STXBP6: variants seen among roughly 807,000 people sequenced by gnomAD.
The protein encoded by STXBP6 is syntaxin binding protein 6.
Under a neutral mutation model 26.9 loss-of-function variants are expected in STXBP6, and 21 were observed. The observed-to-expected ratio is 0.78, with a 90% CI of 0.55 to 1.12. The LOEUF is 1.12. STXBP6 is among the 50% of genes most tolerant of loss of function. STXBP6 has a pLI of 0.00. For synonymous variants in STXBP6, 97 were observed against 92.6 expected, an observed-to-expected ratio of 1.05 and a Z score of -0.27; for missense variants, 232 against 257.9, an observed-to-expected ratio of 0.90 and a Z score of 0.69.
intron 2 of STXBP6, among the ~76,000 whole-genome samples, chr14:24,915,395 A>G (rs997808089): frequency 1.3e-5 from 2 of 152,138 alleles, no homozygotes; most frequent in Non-Finnish European, 2.9e-5. Flanking sequence ...GAAACAATGG[A>G]CTATTACTAT....
intron 2 of STXBP6, among the ~76,000 whole-genome samples, chr14:24,937,235 C>T (rs1218713896): frequency 6.6e-6 from 1 of 152,110 alleles, no homozygotes; most frequent in Non-Finnish European, 1.5e-5. Context: ...CATGTATACC[C>T]ATGTAACAAA....
chr14:25,049,497 C>T lies in STXBP6; in HGVS notation c.-33+381G>A, dbSNP rs1412351100. Reference sequence around the variant, plus strand: ...CCCCGAGCTCCCCCACACTGGGAGCCTCGGGGCAGCATTCTCGGGGCCCAT... The same window carrying T: ...CCCCGAGCTCCCCCACACTGGGAGCTTCGGGGCAGCATTCTCGGGGCCCAT... On this transcript the variant is annotated intron_variant, in intron 1 of 5. Transcript: ENST00000323944. This position sits in a 1 kb window ranked among gnomAD's most constrained non-coding sequence, Gnocchi z 5.6. 1 of 985,282 alleles carries T rather than the reference C, an allele frequency of 1.0e-6. No individual in the cohort carries two copies. Among genetic ancestry groups the T allele is most frequent in the Admixed American group, 6.1e-5 (1 of 16,266 alleles). The allele number at this position is 985,282 out of a possible 1,614,324, so 61.0% of individuals were successfully genotyped here.
chr14:24,824,622 T>C (rs1189563561), intron 4 of STXBP6, among the ~76,000 whole-genome samples: 1 of 152,242 alleles, frequency 6.6e-6, no homozygotes, highest in East Asian at 1.9e-4. Flanking sequence ...AATATCCTCT[T>C]TTAAGATGGA....
At chr14:24,889,619 C>T (rs2070721371) in intron 2 of STXBP6, among the ~76,000 whole-genome samples, 2 of 151,330 alleles carry the variant, frequency 1.3e-5, no homozygotes, top group Admixed American at 6.6e-5. Flanking sequence ...AAAAAGTGTA[C>T]TTACATATTA....
chr14:25,017,515 C>T (rs1028366734), intron 1 of STXBP6, among the ~76,000 whole-genome samples: 4 of 152,166 alleles, frequency 2.6e-5, no homozygotes, highest in Non-Finnish European at 5.9e-5. Context: ...GCAGGGAATA[C>T]CAGTTGATAC....
chr14:24,968,036 C>T (rs759229178), intron 2 of STXBP6, among the ~76,000 whole-genome samples: 9 of 151,644 alleles, frequency 5.9e-5, no homozygotes, highest in Non-Finnish European at 1.0e-4. Context: ...GAACATACCA[C>T]CCAATAAATA....
intron 2 of STXBP6, among the ~76,000 whole-genome samples, chr14:24,874,044 C>A (rs1192179535): frequency 6.6e-6 from 1 of 152,174 alleles, no homozygotes; most frequent in African/African-American, 2.4e-5. Flanking sequence ...GGATCACAAA[C>A]TAAAGTTAGT....
chr14:25,005,243 T>G (rs6574126), intron 1 of STXBP6, among the ~76,000 whole-genome samples: 87,787 of 152,112 alleles, frequency 0.58, 27,223 homozygotes, highest in African/African-American at 0.82. Flanking sequence ...ACAATAACAA[T>G]ATACATACTT....
intron 1 of STXBP6, among the ~76,000 whole-genome samples, chr14:25,048,332 G>A (rs1160317070): frequency 2.0e-5 from 3 of 152,180 alleles, no homozygotes; most frequent in Admixed American, 6.5e-5. Context: ...GATTATCTCC[G>A]TTTGACAGAA....
chr14:24,991,134 A>G (rs1055249718), intron 1 of STXBP6, among the ~76,000 whole-genome samples: 2 of 146,828 alleles, frequency 1.4e-5, no homozygotes, highest in African/African-American at 5.2e-5. Flanking sequence ...TGAGTGAGAG[A>G]AGGAGGAGGA....
intron 4 of STXBP6, among the ~76,000 whole-genome samples, chr14:24,836,018 G>GTTC (rs1310686731): frequency 1.3e-5 from 2 of 152,194 alleles, no homozygotes; most frequent in Non-Finnish European, 2.9e-5. Context: ...ATAGCTGCAG[G>GTTC]GAGAAGCAGG....
At chr14:24,951,834 G>A (rs890115254) in intron 2 of STXBP6, among the ~76,000 whole-genome samples, 2 of 151,936 alleles carry the variant, frequency 1.3e-5, no homozygotes, top group Middle Eastern at 3.2e-3. Context: ...TGTATAAAAT[G>A]TGTTTCATCC....
At chr14:24,823,756 C>A (rs935084029) in intron 4 of STXBP6, among the ~76,000 whole-genome samples, 1 of 152,074 alleles carries the variant, frequency 6.6e-6, no homozygotes, top group Admixed American at 6.6e-5. Flanking sequence ...ACCCAATAAA[C>A]CCCACTTATC....
chr14:24,961,515 C>T (rs186148567), intron 2 of STXBP6, among the ~76,000 whole-genome samples: 36 of 151,420 alleles, frequency 2.4e-4, no homozygotes, highest in Admixed American at 5.9e-4. Context: ...TGGATGGAGG[C>T]CATTATTCTA....
chr14:25,038,368 CCCA>C (rs1020217520), intron 1 of STXBP6, among the ~76,000 whole-genome samples: 1 of 152,142 alleles, frequency 6.6e-6, no homozygotes, highest in Non-Finnish European at 1.5e-5. Context: ...TAGACACACA[CCCA>C]CCATCAGAAA....
chr14:24,863,176 A>G (rs2069602470), intron 2 of STXBP6, among the ~76,000 whole-genome samples: 1 of 152,130 alleles, frequency 6.6e-6, no homozygotes, highest in Admixed American at 6.6e-5. Context: ...TAACCCCTGG[A>G]AGGCTTGAGT....
At chr14:25,016,022 T>C (rs1357362428) in intron 1 of STXBP6, among the ~76,000 whole-genome samples, 1 of 152,184 alleles carries the variant, frequency 6.6e-6, no homozygotes, top group African/African-American at 2.4e-5. Context: ...TCTTGCATTA[T>C]GGGTTCCTCA....
Position 24,973,049 on chromosome 14 carries a change from T to A in STXBP6, c.154+1616A>T, listed in dbSNP as rs2073945883. Among the ~76,000 whole-genome samples the A allele has an allele frequency of 2.6e-5, 4 of 151,632 alleles. No individual in the cohort carries two copies. In the South Asian group the frequency reaches 8.3e-4, roughly 32 times the overall value. ...GGAGGATCGATTGAACCCAAGGAGG[T>A]CAAGGCTACAGTGAGCCATGGTTGT... On this transcript the variant is annotated intron_variant, in intron 2 of 5. Transcript: ENST00000323944.
intron 1 of STXBP6, among the ~76,000 whole-genome samples, chr14:25,044,843 C>A (rs1212705427): frequency 6.6e-6 from 1 of 152,206 alleles, no homozygotes; most frequent in African/African-American, 2.4e-5. Flanking sequence ...TATGCAGGCA[C>A]AAATGCAAGT....
Sources: allele counts gnomAD v4.1 joint callset (sites outside exome capture counted in the v4.1 genomes callset), GRCh38; gene constraint gnomAD v4.1.1; non-coding constraint Gnocchi (gnomAD v3.1); transcripts MANE v1.5; gene names NCBI Gene and HGNC (gene_info 2026-07-23, HGNC 2026-07-21).